GNAO1: variants seen among roughly 807,000 people sequenced by gnomAD.
GNAO1 encodes guanine nucleotide-binding protein G(o) subunit alpha.
For synonymous variants in GNAO1, 164 were observed against 180.7 expected (o/e 0.91, Z 0.74); for missense variants, 166 against 478.7 (o/e 0.35, Z 6.10).
At chr16:56,246,236 C>G (rs1286649136) in intron 2 of GNAO1, among the ~76,000 whole-genome samples, 1 of 152,192 alleles carries the variant, frequency 6.6e-6, no homozygotes, top group East Asian at 1.9e-4. Flanking sequence ...CTGCTTAGGG[C>G]AGACATGCAA....
chr16:56,244,141 C>A (rs2036720231), intron 2 of GNAO1, among the ~76,000 whole-genome samples: 1 of 152,160 alleles, frequency 6.6e-6, no homozygotes, highest in Non-Finnish European at 1.5e-5. Context: ...GGTTCCTGCC[C>A]ATGGGGAGCT....
intron 4 of GNAO1, among the ~76,000 whole-genome samples, chr16:56,334,209 G>A (rs2037718552): frequency 6.6e-6 from 1 of 152,236 alleles, no homozygotes; most frequent in African/African-American, 2.4e-5. Flanking sequence ...GAAGTGTGGA[G>A]AAGGCAGGGA....
intron 2 of GNAO1, among the ~76,000 whole-genome samples, chr16:56,238,128 T>A (rs1451451607): frequency 7.1e-6 from 1 of 140,984 alleles, no homozygotes; most frequent in Non-Finnish European, 1.6e-5. Flanking sequence ...CCACACACAT[T>A]TGTGGGACGA....
At chr16:56,300,008 CGTGTGT>C (rs71381116) in intron 3 of GNAO1, among the ~76,000 whole-genome samples, 2 of 129,782 alleles carry the variant, frequency 1.5e-5, no homozygotes, top group African/African-American at 2.9e-5. Flanking sequence ...GATTGGGGTT[CGTGTGT>C]GTGTGTGTGT....
intron 2 of GNAO1, among the ~76,000 whole-genome samples, chr16:56,238,413 G>T (rs1474080249): frequency 6.6e-6 from 1 of 152,214 alleles, no homozygotes; most frequent in Non-Finnish European, 1.5e-5. Context: ...AACACCTTGG[G>T]GCTGAGACCA....
rs956149806 is a variant in GNAO1, at chr16:56,329,084, C to T, written c.464+293C>T. On this transcript the variant is annotated intron_variant, in intron 4 of 8. Transcript: ENST00000262493. ...GGCTTGTCCTGGAGAGTGCCTGGCA[C>T]TGCAAAAAGACAGCTTTCAAGTGTA... 2.6e-5 allele frequency: 8 copies of T among 303,124 alleles called. No homozygotes were observed. The East Asian group carries it at 4.6e-4, about 18-fold the overall frequency. 18.8% of individuals were successfully genotyped at this position (303,124 alleles called of 1,614,324 possible).
intron 4 of GNAO1, among the ~76,000 whole-genome samples, chr16:56,331,418 C>G (rs1303414061): frequency 6.6e-6 from 1 of 152,188 alleles, no homozygotes; most frequent in Non-Finnish European, 1.5e-5. Context: ...CCTCTCCTCA[C>G]CTTCTCTCTT....
rs1468545960 is a variant in GNAO1 at position 56,342,405 on chromosome 16, C to T, written c.723+5545C>T. ...CTCCAGCTCCCCTCCCTGCTGCCCC[C>T]TCCACAGCCCTGCTTGCACCTGGCA... On this transcript the variant is annotated intron_variant, in intron 6 of 8. Coordinates refer to ENST00000262493, the MANE Select transcript of GNAO1 (RefSeq NM_020988.3). Among the ~76,000 whole-genome samples the T allele has an allele frequency of 6.6e-5, 10 of 152,370 alleles. No individual in the cohort carries two copies. The South Asian group carries it at 1.0e-3, about 16-fold the overall frequency.
chr16:56,343,039 G>A (rs548471972), intron 6 of GNAO1, among the ~76,000 whole-genome samples: 18 of 151,760 alleles, frequency 1.2e-4, no homozygotes, highest in African/African-American at 2.4e-4. Context: ...CGGAGGTTGC[G>A]GTGAGCTGAG....
chr16:56,236,359 G>A (rs760057403), intron 2 of GNAO1, among the ~76,000 whole-genome samples: 1 of 152,182 alleles, frequency 6.6e-6, no homozygotes, highest in Non-Finnish European at 1.5e-5. Flanking sequence ...GAAGGAGAGA[G>A]AGACAGAGAA....
At chr16:56,333,739 C>T (rs557115765) in intron 4 of GNAO1, among the ~76,000 whole-genome samples, 2 of 152,396 alleles carry the variant, frequency 1.3e-5, no homozygotes, top group Admixed American at 1.3e-4. Context: ...AGCCAGCAAG[C>T]TGGCCCCCAG....
intron 3 of GNAO1, among the ~76,000 whole-genome samples, chr16:56,288,730 CA>C (rs1374823255): frequency 1.2e-4 from 19 of 152,112 alleles, no homozygotes; most frequent in Non-Finnish European, 2.1e-4. Context: ...AACTCAGCAG[CA>C]GGGGTGGAGG....
intron 2 of GNAO1, among the ~76,000 whole-genome samples, chr16:56,202,031 C>T (rs2036286077): frequency 6.6e-6 from 1 of 152,140 alleles, no homozygotes; most frequent in African/African-American, 2.4e-5. Flanking sequence ...AGGCATGCGT[C>T]TCCCATCACA....
chr16:56,357,104 T>G lies in GNAO1; in HGVS notation c.*1030T>G, dbSNP rs1183702169. The G allele has an allele frequency of 6.6e-6, 1 of 152,364 alleles. No individual in the cohort carries two copies. Among genetic ancestry groups the G allele is most frequent in the Non-Finnish European group, 1.5e-5 (1 of 67,980 alleles). 9.4% of individuals were successfully genotyped at this position (152,364 alleles called of 1,614,324 possible). Reference sequence around the variant, plus strand: ...AAAAGATGGAATGTAGTGTTTACATTAAAGCCGCCGTTTTCATGACCAATC... The same window carrying G: ...AAAAGATGGAATGTAGTGTTTACATGAAAGCCGCCGTTTTCATGACCAATC... On this transcript the variant is annotated 3_prime_UTR_variant, in exon 9 of 9. Transcript: ENST00000262493.
intron 2 of GNAO1, among the ~76,000 whole-genome samples, chr16:56,222,377 T>A (rs2036498227): frequency 6.6e-6 from 1 of 152,098 alleles, no homozygotes; most frequent in Admixed American, 6.5e-5. Flanking sequence ...TCCCCACAAA[T>A]TGTAGAACAC....
At chr16:56,281,059 G>A (rs1371427606) in intron 3 of GNAO1, among the ~76,000 whole-genome samples, 2 of 152,036 alleles carry the variant, frequency 1.3e-5, no homozygotes, top group South Asian at 2.1e-4. Flanking sequence ...GGGTGCTATT[G>A]TTGTCCTCAT....
intron 3 of GNAO1, chr16:56,301,599 G>A (rs1290933264): frequency 6.6e-6 from 1 of 152,140 alleles, no homozygotes; most frequent in Non-Finnish European, 1.5e-5. Flanking sequence ...GAGGGAGATT[G>A]GGTTTTTTTA....
chr16:56,253,838 C>T (rs1190890788), intron 2 of GNAO1, among the ~76,000 whole-genome samples: 1 of 152,184 alleles, frequency 6.6e-6, no homozygotes, highest in Admixed American at 6.5e-5. Context: ...CCTGGGGTAG[C>T]AGGGAGATGC....
chr16:56,347,314 C>G (rs747938580), intron 6 of GNAO1: 171 of 985,332 alleles, frequency 1.7e-4, no homozygotes, highest in Non-Finnish European at 1.9e-4. Flanking sequence ...TGTGCAGTGC[C>G]GAAGGCAGTC....
Sources: allele counts gnomAD v4.1 joint callset (sites outside exome capture counted in the v4.1 genomes callset), GRCh38; gene constraint gnomAD v4.1.1; transcripts MANE v1.5; gene names NCBI Gene and HGNC (gene_info 2026-07-23, HGNC 2026-07-21).